Variants in LOXHD1 observed in about 807,000 individuals in gnomAD.
The protein encoded by LOXHD1 is lipoxygenase homology domain-containing protein 1.
Under a neutral mutation model 248.2 loss-of-function variants are expected in LOXHD1, and 205 were observed. That is an observed-to-expected ratio of 0.83 (90% confidence interval 0.74 to 0.93). The LOEUF (loss-of-function observed/expected upper bound fraction) is 0.93, where lower values mean the gene tolerates loss of function less well. LOXHD1 is among the 40% of genes least tolerant of loss of function. The pLI, the probability that LOXHD1 is intolerant of heterozygous loss-of-function variation, is 0.00. For synonymous variants in LOXHD1, 1,113 were observed against 1,162.8 expected (o/e 0.96, Z 0.87); for missense variants, 2,930 against 2,971.6 (o/e 0.99, Z 0.33).
At chr18:46,624,587 T>C (rs922307239) in intron 4 of LOXHD1, among the ~76,000 whole-genome samples, 3 of 152,156 alleles carry the variant, frequency 2.0e-5, no homozygotes, top group Admixed American at 6.5e-5. Flanking sequence ...TGGACACCCA[T>C]TGCCTCTCAG....
intron 4 of LOXHD1, among the ~76,000 whole-genome samples, chr18:46,623,953 C>T (rs1178979163): frequency 1.3e-5 from 2 of 152,204 alleles, no homozygotes; most frequent in South Asian, 2.1e-4. Context: ...GCATATGCCC[C>T]GTAACTAAGC....
intron 20 of LOXHD1, chr18:46,557,814 G>C: frequency 7.8e-7 from 1 of 1,279,090 alleles, no homozygotes; most frequent in Non-Finnish European, 1.0e-6. Flanking sequence ...GGTGTTTTGT[G>C]TGCAAGAGAG....
intron 1 of LOXHD1, among the ~76,000 whole-genome samples, chr18:46,651,561 G>A (rs1253807541): frequency 1.3e-5 from 2 of 152,132 alleles, no homozygotes; most frequent in East Asian, 3.9e-4. Context: ...AAAAGGAGAG[G>A]AGCATTGGAG....
chr18:46,516,916 A>C (rs1408032374), intron 34 of LOXHD1, among the ~76,000 whole-genome samples: 4 of 152,060 alleles, frequency 2.6e-5, no homozygotes, highest in Admixed American at 6.6e-5. Context: ...CATCCCTACC[A>C]TTCAGCACCA....
At chr18:46,556,696 A>C (rs1383611593) in intron 21 of LOXHD1, 1 of 175,632 alleles carries the variant, frequency 5.7e-6, no homozygotes, top group Non-Finnish European at 1.2e-5. Flanking sequence ...TCACCCTCGG[A>C]TGTCACAGCC....
chr18:46,634,895 A>G (rs532524254), intron 4 of LOXHD1, among the ~76,000 whole-genome samples: 1 of 152,334 alleles, frequency 6.6e-6, no homozygotes, highest in Admixed American at 6.5e-5. Context: ...ATGTGAATGT[A>G]CTTAATGCCA....
At chr18:46,506,315 A>T (rs1314868125) in intron 36 of LOXHD1, among the ~76,000 whole-genome samples, 1 of 152,226 alleles carries the variant, frequency 6.6e-6, no homozygotes, top group Non-Finnish European at 1.5e-5. Context: ...AAATATACCC[A>T]AACTTAAAAG....
chr18:46,638,240 C>T (rs1306907902), intron 4 of LOXHD1, among the ~76,000 whole-genome samples: 4 of 152,162 alleles, frequency 2.6e-5, no homozygotes, highest in South Asian at 2.1e-4. Flanking sequence ...AATGGAATTA[C>T]AAGTATTCTT....
chr18:46,519,941 T>G (rs2035485301), intron 33 of LOXHD1, among the ~76,000 whole-genome samples: 1 of 152,118 alleles, frequency 6.6e-6, no homozygotes. Flanking sequence ...CGGGTGTAGG[T>G]CTGGATTTTC....
chr18:46,608,095 C>T (rs778389791), intron 6 of LOXHD1, among the ~76,000 whole-genome samples: 64 of 68,502 alleles, frequency 9.3e-4, no homozygotes, highest in East Asian at 2.9e-3. Flanking sequence ...GAAGGAAGGG[C>T]GGGCAGGCAA....
chr18:46,499,968 T>C (rs898112198), intron 37 of LOXHD1, among the ~76,000 whole-genome samples: 1 of 152,190 alleles, frequency 6.6e-6, no homozygotes, highest in Non-Finnish European at 1.5e-5. Flanking sequence ...ACACCACATC[T>C]TGGGATTTCA....
chr18:46,566,406 G>GCATGCATGCCAGTGCTGT lies in LOXHD1; in HGVS notation c.2270_2287dup (p.Asp757_His762dup). The GCATGCATGCCAGTGCTGT allele has an allele frequency of 6.4e-7, 1 of 1,551,278 alleles. No individual in the cohort carries two copies. Among genetic ancestry groups the GCATGCATGCCAGTGCTGT allele is most frequent in the South Asian group, 1.2e-5 (1 of 84,062 alleles). On this transcript the variant is annotated inframe_insertion, in exon 17 of 41. Transcript: ENST00000642948. ...CTGAACGCTGCCCAGGAACCAGCTG[G>GCATGCATGCCAGTGCTGT]CATGCATGCCAGTGCTGTCATGCCC... is the stretch of plus-strand genomic sequence containing the variant.
At chr18:46,589,498 A>G (rs2038125898) in intron 12 of LOXHD1, among the ~76,000 whole-genome samples, 1 of 152,218 alleles carries the variant, frequency 6.6e-6, no homozygotes, top group East Asian at 1.9e-4. Flanking sequence ...GTGGACACTG[A>G]AAGAAGTAGA....
intron 23 of LOXHD1, among the ~76,000 whole-genome samples, chr18:46,544,462 T>C (rs183581161): frequency 8.7e-4 from 132 of 152,368 alleles, no homozygotes; most frequent in African/African-American, 3.1e-3. Flanking sequence ...CATGCATTTG[T>C]AGGTTATGAC....
intron 26 of LOXHD1, among the ~76,000 whole-genome samples, chr18:46,537,653 C>A (rs1278037254): frequency 6.6e-6 from 1 of 152,206 alleles, no homozygotes; most frequent in East Asian, 1.9e-4. Context: ...AACAACAGCA[C>A]CTCCATTGTC....
intron 1 of LOXHD1, among the ~76,000 whole-genome samples, chr18:46,649,591 G>A (rs2039081634): frequency 1.3e-5 from 2 of 152,090 alleles, no homozygotes; most frequent in Non-Finnish European, 2.9e-5. Flanking sequence ...ACAACACACT[G>A]ATACCCTCCT....
chr18:46,649,520 C>T (rs777446488), intron 1 of LOXHD1, among the ~76,000 whole-genome samples: 4 of 152,212 alleles, frequency 2.6e-5, no homozygotes, highest in African/African-American at 9.6e-5. Context: ...AGGTCCTGCA[C>T]GTTATCAACA....
chr18:46,498,428 T>C (rs897444290), intron 37 of LOXHD1, among the ~76,000 whole-genome samples: 5 of 152,196 alleles, frequency 3.3e-5, no homozygotes, highest in Non-Finnish European at 7.3e-5. Flanking sequence ...TCAGAAAAAT[T>C]ACCACAAACT....
chr18:46,548,199 T>C (rs2036930598), intron 21 of LOXHD1, among the ~76,000 whole-genome samples: 2 of 152,056 alleles, frequency 1.3e-5, no homozygotes, highest in African/African-American at 4.8e-5. Flanking sequence ...ACACAAAGGG[T>C]CTCAGAATTC....
Sources: allele counts gnomAD v4.1 joint callset (sites outside exome capture counted in the v4.1 genomes callset), GRCh38; gene constraint gnomAD v4.1.1; transcripts MANE v1.5; gene names NCBI Gene and HGNC (gene_info 2026-07-23, HGNC 2026-07-21).